The following CDCA7L variants were observed in gnomAD, a reference collection of about 807,000 sequenced individuals.
The protein encoded by CDCA7L is cell division cycle-associated 7-like protein.
CDCA7L carries 44 observed loss-of-function variants against 57.4 expected under a neutral mutation model. The ratio of observed to expected loss-of-function variants is 0.77; its 90% CI spans 0.60 to 0.98. CDCA7L has a LOEUF of 0.98. CDCA7L is among the 50% of genes least tolerant of loss of function. The pLI, the probability that CDCA7L is intolerant of heterozygous loss-of-function variation, is 0.00. For synonymous variants in CDCA7L, 236 were observed against 202.8 expected, an observed-to-expected ratio of 1.16 and a Z score of -1.39; for missense variants, 644 against 580.6, an observed-to-expected ratio of 1.11 and a Z score of -1.12.
At chr7:21,911,793 G>A (rs763103442) in intron 2 of CDCA7L, 39 bp from the exon 3 acceptor site, 1 of 1,587,160 alleles carries the variant, frequency 6.3e-7, no homozygotes, top group East Asian at 2.2e-5. Flanking sequence ...ACGGAAAGTA[G>A]AATAGAGGTT....
At position 21,902,461 on chromosome 7, in the gene CDCA7L, CTCCTGACACTCGAAA is replaced by C. The variant is rs553013143; in HGVS notation, c.1335-124_1335-110del. The C allele has an allele frequency of 2.5e-4, 259 of 1,022,460 alleles. 1 individual carries two copies. The highest frequency in any genetic ancestry group is 1.5e-3 in the African/African-American group (96 of 63,526). 63.3% of individuals were successfully genotyped at this position (1,022,460 alleles called of 1,614,324 possible). A position where few individuals can be genotyped will look rare whatever the true frequency, so the allele number is the denominator to read the frequency against. On this transcript the variant is annotated intron_variant, in intron 9 of 9. Coordinates refer to ENST00000406877, the MANE Select transcript of CDCA7L (RefSeq NM_018719.5). ...AAGAGTACAAAGCCAGAACCCAGAT[CTCCTGACACTCGAAA>C]TCCTGACAATTTATGCATCAATATC... is the stretch of plus-strand genomic sequence containing the variant.
chr7:21,922,329 C>T (rs899304271), intron 1 of CDCA7L, among the ~76,000 whole-genome samples: 1 of 152,122 alleles, frequency 6.6e-6, no homozygotes, highest in African/African-American at 2.4e-5. Context: ...AGGTGGGTAA[C>T]AGGGCAGTAG....
In CDCA7L at chr7:21,904,126, G is replaced by A. The variant is rs187980810; in HGVS notation, c.1181C>T (p.Ser394Leu). Residue 394 changes from serine (S) to leucine (L), a missense_variant, in exon 8 of 10, where the codon TCG becomes TTG. Coordinates refer to ENST00000406877, the MANE Select transcript of CDCA7L (RefSeq NM_018719.5). ...LRNRYGEDVR[S>L]ALLDPDWVCP... is the part of the protein sequence containing the mutation. ...TGTTCCTACCGGGTCCAGCAATGCC[G>A]ATCTGACATCCTCCCCATAGCGGTT... 72 of 1,603,602 alleles carry A rather than the reference G, an allele frequency of 4.5e-5. No individual in the cohort carries two copies. The highest frequency in any genetic ancestry group is 3.4e-4 in the South Asian group (30 of 89,412).
chr7:21,911,322 T>C, intron 3 of CDCA7L, among the ~76,000 whole-genome samples: 1 of 151,932 alleles, frequency 6.6e-6, no homozygotes, highest in Admixed American at 6.6e-5. Context: ...CCACCGTGCC[T>C]GGCCAAGAGA....
chr7:21,930,230 C>A (rs1318751416), intron 1 of CDCA7L, among the ~76,000 whole-genome samples: 1 of 152,128 alleles, frequency 6.6e-6, no homozygotes, highest in Non-Finnish European at 1.5e-5. Context: ...GGGTAACTAA[C>A]GAAATCAAGA....
At chr7:21,902,407 T>C (rs748833836) in intron 9 of CDCA7L, 55 bp from the exon 10 acceptor site, 1 of 1,534,258 alleles carries the variant, frequency 6.5e-7, no homozygotes, top group Non-Finnish European at 9.0e-7. Flanking sequence ...CAAATGGCAT[T>C]CTAGGCTTGA....
At chr7:21,922,209 C>T (rs1272976319) in intron 1 of CDCA7L, among the ~76,000 whole-genome samples, 1 of 152,208 alleles carries the variant, frequency 6.6e-6, no homozygotes, top group East Asian at 1.9e-4. Context: ...GTCATATTCA[C>T]AGCTCCCCTT....
intron 2 of CDCA7L, among the ~76,000 whole-genome samples, chr7:21,914,582 A>C (rs1467629007): frequency 3.3e-5 from 5 of 152,178 alleles, no homozygotes; most frequent in Non-Finnish European, 7.3e-5. Context: ...GAAAGGGCAG[A>C]ACAGTGGATA....
rs1014511371 is a variant in CDCA7L at position 21,927,735 on chromosome 7, A to G, written c.25-10841T>C. Among the ~76,000 whole-genome samples, 6 of 152,210 alleles carry G rather than the reference A, an allele frequency of 3.9e-5. No individual in the cohort carries two copies. The South Asian group carries it at 1.2e-3, about 32-fold the overall frequency. On this transcript the variant is annotated intron_variant, in intron 1 of 9. Coordinates refer to ENST00000406877, the MANE Select transcript of CDCA7L (RefSeq NM_018719.5). Reference sequence around the variant, plus strand: ...TCCTTTCAAAGACACCATATAATCAAATATTAAAAGCCTAAAGACAATCTT... The same window carrying G: ...TCCTTTCAAAGACACCATATAATCAGATATTAAAAGCCTAAAGACAATCTT...
At chr7:21,915,621 A>C (rs1401752643) in intron 2 of CDCA7L, among the ~76,000 whole-genome samples, 1 of 140,572 alleles carries the variant, frequency 7.1e-6, no homozygotes, top group African/African-American at 2.7e-5. Context: ...AATATGGCAA[A>C]ACCCCATCAC....
At chr7:21,911,570 G>C in intron 3 of CDCA7L, 47 bp downstream of exon 3, 1 of 1,559,758 alleles carries the variant, frequency 6.4e-7, no homozygotes, top group Non-Finnish European at 8.6e-7. Flanking sequence ...TTCAGAAACA[G>C]GATTAAAAAC....
chr7:21,902,227 AC>A lies in CDCA7L; in HGVS notation c.*94del. On this transcript the variant is annotated 3_prime_UTR_variant, in exon 10 of 10. Coordinates refer to ENST00000406877, the MANE Select transcript of CDCA7L (RefSeq NM_018719.5). ...TTCTACAAAGAATTTCTGTATAAAA[AC>A]ACAACTGTAAAAAAATCTTTCTTAG... 1 of 1,093,790 alleles carries A rather than the reference AC, an allele frequency of 9.1e-7. No individual in the cohort carries two copies. The highest frequency in any genetic ancestry group is 2.4e-5 in the East Asian group (1 of 41,296). The allele number at this position is 1,093,790 out of a possible 1,614,324, so 67.8% of individuals were successfully genotyped here.
rs1289426978 is a variant in CDCA7L at position 21,901,595 on chromosome 7, TACATCATATGTGAACATGC to T, written c.*708_*726del. 5.8e-6 allele frequency: 1 copy of T among 172,858 alleles called. No individual in the cohort carries two copies. The highest frequency in any genetic ancestry group is 2.4e-5 in the African/African-American group (1 of 42,054). The allele number at this position is 172,858 out of a possible 1,614,324, so 10.7% of individuals were successfully genotyped here. ...AAAAAAAAAAAGTACATCATAAAAG[TACATCATATGTGAACATGC>T]AAAAGCAATGCAGCCGGAAAGAACG... On this transcript the variant is annotated 3_prime_UTR_variant, in exon 10 of 10. Coordinates refer to ENST00000406877, the MANE Select transcript of CDCA7L (RefSeq NM_018719.5).
In CDCA7L at chr7:21,902,168, A is replaced by G. The variant is rs376838615; in HGVS notation, c.*154T>C. 6 of 728,184 alleles carry G rather than the reference A, an allele frequency of 8.2e-6. No homozygotes were observed. The highest frequency in any genetic ancestry group is 1.4e-5 in the Non-Finnish European group (6 of 420,774). The allele number at this position is 728,184 out of a possible 1,614,324, so 45.1% of individuals were successfully genotyped here. A position where few individuals can be genotyped will look rare whatever the true frequency, so the allele number is the denominator to read the frequency against. On this transcript the variant is annotated 3_prime_UTR_variant, in exon 10 of 10. Transcript: ENST00000406877. The stretch of plus-strand genomic sequence containing the variant: ...GCTGTCTTCCTGAGAAATCTTTGTA[A>G]GCATATAAACAATCTTTAACAAAAA...
At chr7:21,902,817 C>A in intron 9 of CDCA7L, 161 bp downstream of exon 9, 1 of 647,924 alleles carries the variant, frequency 1.5e-6, no homozygotes, top group Non-Finnish European at 2.6e-6. Flanking sequence ...AAATATCAGG[C>A]CTGAGCTTTT....
chr7:21,905,617 C>T lies in CDCA7L; in HGVS notation c.936G>A (p.Glu312=), dbSNP rs1163825267. 2.5e-6 allele frequency: 4 copies of T among 1,613,886 alleles called. No homozygotes were observed. Among genetic ancestry groups the T allele is most frequent in the Middle Eastern group, 1.6e-4 (1 of 6,062 alleles). ...AAGATATACGGTGACGTCGTCTGTA[C>T]TCCCGGCATTTCCCCTGCACAATGA... The part of the protein sequence containing the change: ...RRKTIGGKCR[E]YRRRHRISSF... Residue 312 remains glutamate (E), a synonymous_variant, in exon 7 of 10, where the codon GAG becomes GAA. Transcript: ENST00000406877.
chr7:21,936,065 C>G (rs1471777000), intron 1 of CDCA7L, among the ~76,000 whole-genome samples: 1 of 151,804 alleles, frequency 6.6e-6, no homozygotes, highest in African/African-American at 2.4e-5. Flanking sequence ...CAACCGTATG[C>G]CAACAAATTG....
chr7:21,925,378 G>A (rs1422605851), intron 1 of CDCA7L, among the ~76,000 whole-genome samples: 1 of 152,138 alleles, frequency 6.6e-6, no homozygotes, highest in Non-Finnish European at 1.5e-5. Context: ...TCAATGATGG[G>A]GAAGGTGTGA....
intron 1 of CDCA7L, among the ~76,000 whole-genome samples, chr7:21,939,807 G>T (rs752896291): frequency 9.7e-4 from 148 of 152,014 alleles, no homozygotes; most frequent in Admixed American, 2.6e-3. Flanking sequence ...ACCCACCCAC[G>T]TTTGTTACCA....
Sources: allele counts gnomAD v4.1 joint callset (sites outside exome capture counted in the v4.1 genomes callset), GRCh38; gene constraint gnomAD v4.1.1; transcripts MANE v1.5; gene names NCBI Gene and HGNC (gene_info 2026-07-23, HGNC 2026-07-21).